The following TRPC5 variants were observed in gnomAD, a reference collection of about 807,000 sequenced individuals.
TRPC5 encodes transient receptor potential cation channel subfamily C member 5, also known as short transient receptor potential channel 5.
In TRPC5, 9 loss-of-function variants were observed where a neutral mutation model predicts 56.5. The ratio of observed to expected loss-of-function variants is 0.16; its 90% CI spans 0.10 to 0.28. The LOEUF (loss-of-function observed/expected upper bound fraction) is 0.28, where lower values mean the gene tolerates loss of function less well. Ranked by LOEUF, TRPC5 falls within the 10% of genes least tolerant of loss-of-function variation. The pLI is 1.00. For synonymous variants in TRPC5, 282 were observed against 278.5 expected, an observed-to-expected ratio of 1.01 and a Z score of -0.13; for missense variants, 469 against 748.9, an observed-to-expected ratio of 0.63 and a Z score of 4.36.
At chrX:111,859,983 A>C (rs1923348601) in intron 3 of TRPC5, among the ~76,000 whole-genome samples, 1 of 113,041 alleles carries the variant, frequency 8.8e-6, no homozygotes, top group Admixed American at 9.3e-5. Context: ...ATCTCAGCTC[A>C]CTGCAAGCTC....
chrX:111,890,644 C>A lies in TRPC5; in HGVS notation c.900+21647G>T, dbSNP rs867146670. On this transcript the variant is annotated intron_variant, in intron 3 of 10. Transcript: ENST00000262839. Reference sequence around the variant, plus strand: ...AGTGATGTGGAGGTTCCCAGAGCATCATTAGTCAGACCAGGAGTCTGAAGA... The same window carrying A: ...AGTGATGTGGAGGTTCCCAGAGCATAATTAGTCAGACCAGGAGTCTGAAGA... Among the ~76,000 whole-genome samples the A allele has an allele frequency of 4.5e-5, 5 of 111,849 alleles. No individual in the cohort carries two copies. The South Asian group carries it at 1.2e-3, about 26-fold the overall frequency.
chrX:111,988,122 C>G (rs1179786502), intron 1 of TRPC5, among the ~76,000 whole-genome samples: 6 of 112,193 alleles, frequency 5.3e-5, no homozygotes, highest in Non-Finnish European at 1.1e-4. Context: ...GGATGGAGAA[C>G]AAGTATTTGG....
chrX:111,954,581 C>G (rs903100132), intron 1 of TRPC5, among the ~76,000 whole-genome samples: 5 of 111,849 alleles, frequency 4.5e-5, no homozygotes, highest in African/African-American at 1.6e-4. Context: ...GGTGAGCTAA[C>G]ATTCCAAGGC....
intron 1 of TRPC5, among the ~76,000 whole-genome samples, chrX:111,974,177 G>A (rs942836340): frequency 2.7e-5 from 3 of 111,719 alleles, no homozygotes; most frequent in African/African-American, 9.8e-5. Context: ...GAAAAGCAGT[G>A]GTCTCTGAGT....
At chrX:111,856,633 T>C (rs1243011395) in intron 3 of TRPC5, among the ~76,000 whole-genome samples, 1 of 106,929 alleles carries the variant, frequency 9.4e-6, no homozygotes, top group Non-Finnish European at 1.9e-5. Flanking sequence ...CTGGCCAACA[T>C]GATGAAATCC....
Position 111,994,049 on chromosome X carries a change from A to G in TRPC5, c.-21-41608T>C, listed in dbSNP as rs750284047. Among the ~76,000 whole-genome samples, 835 of 111,722 alleles carry G rather than the reference A, an allele frequency of 7.5e-3. 7 individuals carry two copies. The highest frequency in any genetic ancestry group is 0.019 in the Middle Eastern group (4 of 214). On this transcript the variant is annotated intron_variant, in intron 1 of 10. Coordinates refer to ENST00000262839, the MANE Select transcript of TRPC5 (RefSeq NM_012471.3). ...TTATGGTTTTAGGACTAACATTTAA[A>G]CCTTTAATCCATCTTGAATTAATTT...
At position 111,988,501 on chromosome X, in the gene TRPC5, A is replaced by G. The variant is rs182015147; in HGVS notation, c.-21-36060T>C. On this transcript the variant is annotated intron_variant, in intron 1 of 10. Coordinates refer to ENST00000262839, the MANE Select transcript of TRPC5 (RefSeq NM_012471.3). ...TACCCTTGTACCTGACAAGACAAATAGCTTGGAAACATGAGTTGTCACTTG... is the reference window on the plus strand; with the variant it reads ...TACCCTTGTACCTGACAAGACAAATGGCTTGGAAACATGAGTTGTCACTTG... Among the ~76,000 whole-genome samples, 500 of 110,694 alleles carry G rather than the reference A, an allele frequency of 4.5e-3. 9 individuals carry two copies. The highest frequency in any genetic ancestry group is 0.016 in the African/African-American group (480 of 30,489).
Position 111,912,300 on chromosome X carries a change from G to A in TRPC5, c.891C>T (p.His297=). 4 of 1,199,265 alleles carry A rather than the reference G, an allele frequency of 3.3e-6. No homozygotes were observed. The highest frequency in any genetic ancestry group is 4.5e-6 in the Non-Finnish European group (4 of 889,038). ...CATGAGCTCAGCTTACCTCTTTCTG[G>A]TGGTATTTGATTGCCACCTTCAACT... The part of the protein sequence containing the change: ...LAKLKVAIKY[H]QKEFVAQPNC... Residue 297 remains histidine (H), a synonymous_variant, in exon 3 of 11, where the codon CAC becomes CAT. Transcript: ENST00000262839.
At chrX:111,842,876 G>T (rs559424415) in intron 6 of TRPC5, among the ~76,000 whole-genome samples, 2 of 111,747 alleles carry the variant, frequency 1.8e-5, no homozygotes, top group South Asian at 3.8e-4. Flanking sequence ...AGTCATCCTG[G>T]GGGGGCAGGG....
intron 1 of TRPC5, among the ~76,000 whole-genome samples, chrX:112,042,680 A>G (rs1929924013): frequency 1.8e-5 from 2 of 111,234 alleles, no homozygotes; most frequent in Admixed American, 1.9e-4. Flanking sequence ...ACTCCTAACT[A>G]CTACTCTGGC....
chrX:111,965,096 C>T (rs1341623563), intron 1 of TRPC5, among the ~76,000 whole-genome samples: 1 of 110,836 alleles, frequency 9.0e-6, no homozygotes, highest in African/African-American at 3.3e-5. Flanking sequence ...CGTGCAGAGA[C>T]ACACATAGGC....
At chrX:111,837,034 A>C (rs1922582426) in intron 6 of TRPC5, among the ~76,000 whole-genome samples, 1 of 112,645 alleles carries the variant, frequency 8.9e-6, no homozygotes, top group Non-Finnish European at 1.9e-5. Flanking sequence ...TGATCTTTTC[A>C]GCATCACGCT....
chrX:111,906,471 T>C (rs1925631178), intron 3 of TRPC5, among the ~76,000 whole-genome samples: 1 of 112,183 alleles, frequency 8.9e-6, no homozygotes, highest in South Asian at 3.7e-4. Flanking sequence ...CTAGTAACCT[T>C]ATTCTTACTT....
At chrX:112,080,470 G>A (rs1198959404) in intron 1 of TRPC5, among the ~76,000 whole-genome samples, 1 of 108,976 alleles carries the variant, frequency 9.2e-6, no homozygotes, top group Non-Finnish European at 1.9e-5. Context: ...TGTATATTGT[G>A]AAAGTTTATG....
intron 7 of TRPC5, among the ~76,000 whole-genome samples, chrX:111,806,286 A>G (rs1921510310): frequency 1.8e-5 from 2 of 112,206 alleles, no homozygotes; most frequent in African/African-American, 6.5e-5. Context: ...GGTGTGGCAA[A>G]GTTATGTGCC....
At chrX:111,900,505 T>G (rs1925287687) in intron 3 of TRPC5, among the ~76,000 whole-genome samples, 1 of 111,773 alleles carries the variant, frequency 8.9e-6, no homozygotes. Flanking sequence ...ATTTAGAAAT[T>G]CTTATAAAGA....
intron 7 of TRPC5, among the ~76,000 whole-genome samples, chrX:111,829,025 TG>T (rs1922321131): frequency 9.0e-6 from 1 of 111,309 alleles, no homozygotes; most frequent in Admixed American, 9.6e-5. Flanking sequence ...AAGTTTGAGC[TG>T]GGCATGGTGG....
intron 7 of TRPC5, among the ~76,000 whole-genome samples, chrX:111,830,718 A>G (rs2148575540): frequency 8.9e-6 from 1 of 112,066 alleles, no homozygotes; most frequent in African/African-American, 3.2e-5. Flanking sequence ...TGTAAGATTA[A>G]TGAAGCATCC....
At chrX:111,949,984 C>CATAT (rs745594172) in intron 2 of TRPC5, among the ~76,000 whole-genome samples, 23 of 108,397 alleles carry the variant, frequency 2.1e-4, no homozygotes, top group African/African-American at 5.0e-4. Context: ...GAAACTGTGG[C>CATAT]ATATATATAT....
Sources: gnomAD v4.1 joint callset for allele counts (sites outside exome capture counted in the v4.1 genomes callset) on GRCh38, gnomAD v4.1.1 for gene constraint, MANE v1.5 for transcripts, NCBI Gene and HGNC (gene_info 2026-07-23, HGNC 2026-07-21) for gene names.